KCNH7: variants seen among roughly 807,000 people sequenced by gnomAD.
KCNH7 encodes the protein potassium voltage-gated channel subfamily H member 7.
In KCNH7, 49 loss-of-function variants were observed where a neutral mutation model predicts 120.8. The ratio of observed to expected loss-of-function variants is 0.41; its 90% CI spans 0.32 to 0.51. KCNH7 has a LOEUF of 0.51. KCNH7 is among the 20% of genes least tolerant of loss of function. The probability of loss-of-function intolerance (pLI) is 0.38; values close to 1 mark genes in which losing one functional copy is unlikely to be tolerated. For missense variants in KCNH7, 1,097 were observed against 1,446.6 expected, an observed-to-expected ratio of 0.76 and a Z score of 3.92; for synonymous variants, 547 against 516.1, an observed-to-expected ratio of 1.06 and a Z score of -0.81.
At position 162,817,323 on chromosome 2, in the gene KCNH7, G is replaced by A. The variant is rs148244398; in HGVS notation, c.307+19214C>T. Among the ~76,000 whole-genome samples, 718 of 152,154 alleles carry A rather than the reference G, an allele frequency of 4.7e-3. 4 individuals carry two copies. The highest frequency in any genetic ancestry group is 8.1e-3 in the Non-Finnish European group (548 of 67,964). ...TTATGTAATTAGAGATATGCAATGC[G>A]CATTCTTTTGTTTCTGGCATTTTTT... On this transcript the variant is annotated intron_variant, in intron 2 of 15. Transcript: ENST00000332142.
chr2:162,431,042 C>A (rs989521338), intron 8 of KCNH7, among the ~76,000 whole-genome samples: 1 of 151,922 alleles, frequency 6.6e-6, no homozygotes, highest in African/African-American at 2.4e-5. Context: ...GTACTCTGTA[C>A]ACAGTCAGCA....
chr2:162,838,353 T>C, intron 1 of KCNH7, 90 bp downstream of exon 1: 1 of 1,038,172 alleles, frequency 9.6e-7, no homozygotes, highest in Non-Finnish European at 1.5e-6. Context: ...GAGCCTGGAG[T>C]TGCCGGTCTC....
intron 2 of KCNH7, among the ~76,000 whole-genome samples, chr2:162,620,193 C>A (rs1452713390): frequency 6.7e-6 from 1 of 149,270 alleles, no homozygotes; most frequent in Non-Finnish European, 1.5e-5. Context: ...TGTTATGTAT[C>A]CTTTTATTTT....
intron 9 of KCNH7, among the ~76,000 whole-genome samples, chr2:162,407,098 A>T (rs961251235): frequency 6.6e-6 from 1 of 152,066 alleles, no homozygotes; most frequent in African/African-American, 2.4e-5. Context: ...TAAACATCAC[A>T]TAAGGCCAGA....
At chr2:162,494,283 G>A (rs1690421723) in intron 6 of KCNH7, among the ~76,000 whole-genome samples, 1 of 151,996 alleles carries the variant, frequency 6.6e-6, no homozygotes, top group Non-Finnish European at 1.5e-5. Context: ...ATAACTTAGG[G>A]TAATCTGGAA....
At chr2:162,567,976 T>A (rs956801872) in intron 2 of KCNH7, among the ~76,000 whole-genome samples, 1 of 152,048 alleles carries the variant, frequency 6.6e-6, no homozygotes, top group Non-Finnish European at 1.5e-5. Context: ...ATTCTCACGT[T>A]GCTAATAAAG....
intron 9 of KCNH7, among the ~76,000 whole-genome samples, chr2:162,407,951 G>A (rs1458891701): frequency 2.6e-5 from 4 of 151,944 alleles, no homozygotes; most frequent in African/African-American, 7.2e-5. Context: ...CATTTATCAC[G>A]TATCGTATTT....
chr2:162,396,144 T>C (rs1201703951), intron 11 of KCNH7, among the ~76,000 whole-genome samples: 2 of 151,752 alleles, frequency 1.3e-5, no homozygotes, highest in East Asian at 3.9e-4. Context: ...ACACTCGAAG[T>C]TCATTCTGGG....
intron 2 of KCNH7, among the ~76,000 whole-genome samples, chr2:162,625,704 A>G (rs1683529569): frequency 6.6e-6 from 1 of 152,178 alleles, no homozygotes; most frequent in Admixed American, 6.6e-5. Flanking sequence ...TGCAGGTAGG[A>G]TAATGGGTAG....
At chr2:162,685,763 A>G (rs951695384) in intron 2 of KCNH7, among the ~76,000 whole-genome samples, 2 of 152,176 alleles carry the variant, frequency 1.3e-5, no homozygotes, top group East Asian at 3.9e-4. Flanking sequence ...CTGAGAAGCT[A>G]TGGTAGTCAT....
chr2:162,435,673 A>G, intron 7 of KCNH7, 76 bp from the exon 8 acceptor site: 1 of 1,419,592 alleles, frequency 7.0e-7, no homozygotes, highest in East Asian at 2.3e-5. Flanking sequence ...CAAAGTGGAC[A>G]AAAACAGGTT....
At position 162,782,290 on chromosome 2, in the gene KCNH7, GA is replaced by G. The variant is rs551398818; in HGVS notation, c.307+54246del. ...TTCATAGATAATGAAAAGGACAATGGAAAAAAATAAAACAGGAAGGGTGAAG... is the reference window on the plus strand; with the variant it reads ...TTCATAGATAATGAAAAGGACAATGGAAAAAATAAAACAGGAAGGGTGAAG... On this transcript the variant is annotated intron_variant, in intron 2 of 15. Transcript: ENST00000332142. 2.0e-3 allele frequency among the ~76,000 whole-genome samples: 311 copies of G among 152,178 alleles called. 3 individuals carry two copies. The highest frequency in any genetic ancestry group is 7.2e-3 in the African/African-American group (300 of 41,530).
intron 2 of KCNH7, among the ~76,000 whole-genome samples, chr2:162,592,910 A>G (rs1694257311): frequency 1.3e-5 from 2 of 152,078 alleles, no homozygotes; most frequent in Admixed American, 1.3e-4. Context: ...AGCACTTTGT[A>G]AATGAATGAG....
intron 2 of KCNH7, among the ~76,000 whole-genome samples, chr2:162,825,748 T>G (rs1182314230): frequency 6.6e-6 from 1 of 152,058 alleles, no homozygotes; most frequent in Non-Finnish European, 1.5e-5. Context: ...AAAAATTTTA[T>G]GTAATCATTA....
intron 2 of KCNH7, among the ~76,000 whole-genome samples, chr2:162,809,909 C>CTTTTTTTTT (rs748538332): frequency 2.0e-5 from 1 of 51,220 alleles, no homozygotes; most frequent in Non-Finnish European, 4.2e-5. Context: ...CTCACCTATT[C>CTTTTTTTTT]TTTTTTTTTT....
intron 2 of KCNH7, among the ~76,000 whole-genome samples, chr2:162,769,270 T>C (rs1682947273): frequency 6.6e-6 from 1 of 152,088 alleles, no homozygotes; most frequent in Non-Finnish European, 1.5e-5. Context: ...TGCACACAAA[T>C]TGTATTGCAA....
chr2:162,573,390 A>G (rs1232780540), intron 2 of KCNH7, among the ~76,000 whole-genome samples: 3 of 152,030 alleles, frequency 2.0e-5, no homozygotes, highest in Non-Finnish European at 4.4e-5. Flanking sequence ...ATATACAAAA[A>G]TGAATAAAAA....
chr2:162,813,036 C>A (rs183779899), intron 2 of KCNH7, among the ~76,000 whole-genome samples: 1 of 152,206 alleles, frequency 6.6e-6, no homozygotes, highest in Non-Finnish European at 1.5e-5. Flanking sequence ...GGACAGGAAT[C>A]AGAGTAACCA....
chr2:162,433,158 T>C (rs1349097684), intron 8 of KCNH7, among the ~76,000 whole-genome samples: 1 of 152,082 alleles, frequency 6.6e-6, no homozygotes, highest in East Asian at 1.9e-4. Flanking sequence ...AAACATTCCA[T>C]GCTCATGAAT....
Sources: gnomAD v4.1 joint callset for allele counts (sites outside exome capture counted in the v4.1 genomes callset) on GRCh38, gnomAD v4.1.1 for gene constraint, MANE v1.5 for transcripts, NCBI Gene and HGNC (gene_info 2026-07-23, HGNC 2026-07-21) for gene names.